The following MIPOL1 variants were observed in gnomAD, a reference collection of about 807,000 sequenced individuals.
MIPOL1 encodes mirror-image polydactyly 1, also known as mirror-image polydactyly gene 1 protein.
A neutral mutation model predicts 60.9 loss-of-function variants in MIPOL1; 57 were observed. The observed-to-expected ratio is 0.94, with a 90% CI of 0.76 to 1.17. The LOEUF (loss-of-function observed/expected upper bound fraction) is 1.17. MIPOL1 is among the 50% of genes most tolerant of loss of function. MIPOL1 has a pLI of 0.00. For synonymous variants in MIPOL1, 179 were observed against 168.8 expected (o/e 1.06, Z -0.47); for missense variants, 551 against 511.6 (o/e 1.08, Z -0.74).
At chr14:37,411,781 C>G (rs2093685095) in intron 10 of MIPOL1, among the ~76,000 whole-genome samples, 2 of 152,004 alleles carry the variant, frequency 1.3e-5, no homozygotes, top group Non-Finnish European at 2.9e-5. Context: ...TCTAGACTAC[C>G]ACATGGCTTG....
In MIPOL1 at chr14:37,198,048, G is replaced by A. The variant is rs1370267308; in HGVS notation, c.-255G>A. ...GACGCGGTGGCTGCGCACTCGGCCTGAGAAACTCGGCAAGCGCGCAGTGTC... is the reference window on the plus strand; with the variant it reads ...GACGCGGTGGCTGCGCACTCGGCCTAAGAAACTCGGCAAGCGCGCAGTGTC... On this transcript the variant is annotated 5_prime_UTR_variant, in exon 1 of 13. Transcript: ENST00000684589. 2 of 152,306 alleles carry A rather than the reference G, an allele frequency of 1.3e-5. No individual in the cohort carries two copies. Among genetic ancestry groups the A allele is most frequent in the Admixed American group, 1.3e-4 (2 of 15,284 alleles). The allele number at this position is 152,306 out of a possible 1,614,324, so 9.4% of individuals were successfully genotyped here. A position where few individuals can be genotyped will look rare whatever the true frequency, so the allele number is the denominator to read the frequency against.
intron 1 of MIPOL1, among the ~76,000 whole-genome samples, chr14:37,209,044 A>C (rs1289580747): frequency 2.6e-5 from 4 of 152,248 alleles, no homozygotes; most frequent in East Asian, 1.9e-4. Flanking sequence ...TTAATTAATA[A>C]TACTACTTAT....
chr14:37,426,940 C>G (rs1285460388), intron 11 of MIPOL1, among the ~76,000 whole-genome samples: 2 of 151,978 alleles, frequency 1.3e-5, no homozygotes, highest in Non-Finnish European at 2.9e-5. Flanking sequence ...CAAAAAGATA[C>G]AGAGAACTTT....
At chr14:37,429,652 A>T (rs1276798176) in intron 11 of MIPOL1, among the ~76,000 whole-genome samples, 2 of 152,170 alleles carry the variant, frequency 1.3e-5, no homozygotes, top group African/African-American at 4.8e-5. Context: ...TAGAAACCAT[A>T]AAGATAGAGG....
intron 9 of MIPOL1, among the ~76,000 whole-genome samples, chr14:37,316,593 G>GTTTTT (rs5807945): frequency 7.0e-6 from 1 of 143,036 alleles, no homozygotes; most frequent in Non-Finnish European, 1.5e-5. Flanking sequence ...ATCTTGGGAG[G>GTTTTT]TTTTTTTTTT....
intron 12 of MIPOL1, among the ~76,000 whole-genome samples, chr14:37,526,742 C>A (rs2095450184): frequency 6.6e-6 from 1 of 152,150 alleles, no homozygotes; most frequent in African/African-American, 2.4e-5. Flanking sequence ...CTTCCTCAAA[C>A]ATATTTTTGT....
At chr14:37,395,950 T>G (rs1038625856) in intron 10 of MIPOL1, among the ~76,000 whole-genome samples, 1 of 152,208 alleles carries the variant, frequency 6.6e-6, no homozygotes, top group Non-Finnish European at 1.5e-5. Context: ...TGGTGAATTC[T>G]TATTCATTCT....
intron 10 of MIPOL1, among the ~76,000 whole-genome samples, chr14:37,395,282 A>T (rs2093350235): frequency 1.3e-5 from 2 of 152,088 alleles, no homozygotes; most frequent in Admixed American, 1.3e-4. Flanking sequence ...TAATTCTGTG[A>T]AGAATGATGG....
intron 7 of MIPOL1, among the ~76,000 whole-genome samples, chr14:37,287,416 C>G (rs1429323380): frequency 6.6e-6 from 1 of 151,870 alleles, no homozygotes; most frequent in Non-Finnish European, 1.5e-5. Context: ...CCATGCTTGG[C>G]TGATTTTTAA....
chr14:37,496,510 G>A (rs1396904544), intron 11 of MIPOL1, among the ~76,000 whole-genome samples: 1 of 144,232 alleles, frequency 6.9e-6, no homozygotes, highest in African/African-American at 2.6e-5. Context: ...ACCAATAACA[G>A]ACAAACAGAG....
chr14:37,375,148 T>C (rs1343435292), intron 10 of MIPOL1, among the ~76,000 whole-genome samples: 1 of 152,148 alleles, frequency 6.6e-6, no homozygotes, highest in African/African-American at 2.4e-5. Context: ...GTAGCAGTTG[T>C]GAATGGGAGT....
At chr14:37,330,901 A>G (rs1377225472) in intron 9 of MIPOL1, among the ~76,000 whole-genome samples, 1 of 152,098 alleles carries the variant, frequency 6.6e-6, no homozygotes, top group Non-Finnish European at 1.5e-5. Context: ...TCAGGACAGT[A>G]TTTGTTGTAT....
chr14:37,388,486 G>GT (rs77450180), intron 10 of MIPOL1, among the ~76,000 whole-genome samples: 1,839 of 124,516 alleles, frequency 0.015, 28 homozygotes, highest in African/African-American at 0.036. Flanking sequence ...TTTTTTTTGT[G>GT]TTTTTTTTTT....
intron 10 of MIPOL1, among the ~76,000 whole-genome samples, chr14:37,396,686 T>C (rs2093378204): frequency 6.6e-6 from 1 of 152,146 alleles, no homozygotes; most frequent in Non-Finnish European, 1.5e-5. Context: ...TTCTTTTTTC[T>C]TAGTCTTTGT....
chr14:37,321,780 T>G (rs2153447338), intron 9 of MIPOL1, among the ~76,000 whole-genome samples: 1 of 152,158 alleles, frequency 6.6e-6, no homozygotes, highest in South Asian at 2.1e-4. Flanking sequence ...TTACGATTAC[T>G]GTATCTTCCT....
At chr14:37,345,302 C>T (rs567086853) in intron 9 of MIPOL1, among the ~76,000 whole-genome samples, 33 of 152,232 alleles carry the variant, frequency 2.2e-4, no homozygotes, top group South Asian at 6.2e-4. Context: ...GACAAAGTCT[C>T]GCTACATTGC....
At chr14:37,212,295 T>G (rs997527972) in intron 1 of MIPOL1, 1 of 152,188 alleles carries the variant, frequency 6.6e-6, no homozygotes, top group Non-Finnish European at 1.5e-5. Flanking sequence ...TTCCAGAACT[T>G]GACTCTTGGA....
intron 10 of MIPOL1, among the ~76,000 whole-genome samples, chr14:37,397,998 C>T (rs1474323397): frequency 6.6e-6 from 1 of 152,116 alleles, no homozygotes; most frequent in Non-Finnish European, 1.5e-5. Flanking sequence ...AGGCTTCTTG[C>T]CCCATTTAAA....
chr14:37,299,482 C>G (rs1219678642), intron 7 of MIPOL1, among the ~76,000 whole-genome samples: 3 of 151,536 alleles, frequency 2.0e-5, no homozygotes, highest in Non-Finnish European at 4.4e-5. Context: ...CTACAACATC[C>G]TACTTTCTTT....
Sources: gnomAD v4.1 joint callset for allele counts (sites outside exome capture counted in the v4.1 genomes callset) on GRCh38, gnomAD v4.1.1 for gene constraint, MANE v1.5 for transcripts, NCBI Gene and HGNC (gene_info 2026-07-23, HGNC 2026-07-21) for gene names.